The following ERGIC1 variants were observed in gnomAD, a reference collection of about 807,000 sequenced individuals.
ERGIC1 encodes the protein endoplasmic reticulum-golgi intermediate compartment 1.
A neutral mutation model predicts 38.3 loss-of-function variants in ERGIC1; 19 were observed. That is an observed-to-expected ratio of 0.50 (90% CI 0.35 to 0.73). The LOEUF (loss-of-function observed/expected upper bound fraction) is 0.73, where lower values mean the gene tolerates loss of function less well. ERGIC1 is among the 30% of genes least tolerant of loss of function. ERGIC1 has a pLI of 0.01. For synonymous variants in ERGIC1, 124 were observed against 157.6 expected (o/e 0.79, Z 1.60); for missense variants, 294 against 389.2 (o/e 0.76, Z 2.06).
In ERGIC1 at chr5:172,873,606, C is replaced by T. The variant is rs548829514; in HGVS notation, c.21-15093C>T. On this transcript the variant is annotated intron_variant, in intron 1 of 9. Coordinates refer to ENST00000393784, the MANE Select transcript of ERGIC1 (RefSeq NM_001031711.3). ...ACAGAGAGCCAAGGCTCCCAGGGCC[C>T]AGTGGGGAGCTTTGGGGAGGCCAGG... 3.9e-5 allele frequency among the ~76,000 whole-genome samples: 6 copies of T among 152,320 alleles called. No homozygotes were observed. The South Asian group carries it at 1.2e-3, about 32-fold the overall frequency.
chr5:172,843,152 T>C (rs921714954), intron 1 of ERGIC1, among the ~76,000 whole-genome samples: 10 of 152,160 alleles, frequency 6.6e-5, no homozygotes, highest in Non-Finnish European at 8.8e-5. Context: ...TCTCAAAAAT[T>C]AAATAAAATA....
Position 172,834,298 on chromosome 5 carries a change from C to CG in ERGIC1, c.-116_-115insG. ...GTGGCGAGTGGCGAGTGGCGAGTGT[C>CG]AGGGGGGCGGCCGGCGGGGGCGGGG... On this transcript the variant is annotated 5_prime_UTR_variant, in exon 1 of 10. Transcript: ENST00000393784. This position sits in a 1 kb window ranked among gnomAD's most constrained non-coding sequence, Gnocchi z 4.1. 4.9e-6 allele frequency: 5 copies of CG among 1,020,834 alleles called. No individual in the cohort carries two copies. Among genetic ancestry groups the CG allele is most frequent in the Non-Finnish European group, 6.1e-6 (5 of 823,444 alleles). 63.2% of individuals were successfully genotyped at this position (1,020,834 alleles called of 1,614,324 possible). A position where few individuals can be genotyped will look rare whatever the true frequency, so the allele number is the denominator to read the frequency against.
chr5:172,892,629 T>TA (rs1762596933), intron 2 of ERGIC1, among the ~76,000 whole-genome samples: 1 of 152,180 alleles, frequency 6.6e-6, no homozygotes, highest in Non-Finnish European at 1.5e-5. Context: ...AGTCTGGAGT[T>TA]AGAGAGCCTT....
At chr5:172,871,503 A>C (rs1762006904) in intron 1 of ERGIC1, among the ~76,000 whole-genome samples, 1 of 152,214 alleles carries the variant, frequency 6.6e-6, no homozygotes, top group African/African-American at 2.4e-5. Flanking sequence ...ATTTTTCTTC[A>C]TAACGCTTAT....
chr5:172,885,233 G>A (rs543731925), intron 1 of ERGIC1, among the ~76,000 whole-genome samples: 1 of 152,198 alleles, frequency 6.6e-6, no homozygotes, highest in South Asian at 2.1e-4. Context: ...AGGCTCAAGT[G>A]ATCCTCCCAC....
Position 172,926,521 on chromosome 5 carries a change from C to T in ERGIC1, c.493C>T (p.His165Tyr). The T allele has an allele frequency of 6.2e-7, 1 of 1,613,796 alleles. No individual in the cohort carries two copies. The change falls in exon 7 of 10, where the codon CAC becomes TAC. Residue 165 changes from histidine to tyrosine, a missense_variant. Physicochemically the swap from His to Tyr is moderately conservative, Grantham distance 83. Coordinates refer to ENST00000393784, the MANE Select transcript of ERGIC1 (RefSeq NM_001031711.3). This position sits in a 1 kb window ranked among gnomAD's most constrained non-coding sequence, Gnocchi z 5.2. ...FGDTLQVQNI[H>Y]GAFNALGGAD... is the part of the protein sequence containing the mutation. ...CATTTTTCCACAGGTCCAGAACATC[C>T]ACGGAGCTTTCAATGCTCTCGGGGG...
intron 9 of ERGIC1, among the ~76,000 whole-genome samples, chr5:172,946,594 G>A (rs1764125887): frequency 6.6e-6 from 1 of 152,232 alleles, no homozygotes; most frequent in Admixed American, 6.5e-5. Context: ...CAGAAGGTAT[G>A]GTGACCTTCT....
chr5:172,891,995 G>A (rs950426652), intron 2 of ERGIC1, among the ~76,000 whole-genome samples: 4 of 149,644 alleles, frequency 2.7e-5, no homozygotes, highest in Non-Finnish European at 5.9e-5. Context: ...ATATCTTTTT[G>A]TATCCTTGTA....
chr5:172,851,623 G>A (rs1406335087), intron 1 of ERGIC1, among the ~76,000 whole-genome samples: 1 of 152,248 alleles, frequency 6.6e-6, no homozygotes, highest in East Asian at 1.9e-4. Context: ...AGCGGGAGAT[G>A]TGAGAGCCAG....
rs1202089482 is a variant in ERGIC1, at chr5:172,888,666, C to G, written c.21-33C>G. 3.1e-6 allele frequency: 5 copies of G among 1,599,220 alleles called. No individual in the cohort carries two copies. In the African/African-American group the frequency reaches 4.0e-5, roughly 13 times the overall value. On this transcript the variant is annotated intron_variant, in intron 1 of 9. Coordinates refer to ENST00000393784, the MANE Select transcript of ERGIC1 (RefSeq NM_001031711.3). ...CTGCCTTGAGACCCACCCTTTGTGC[C>G]CACCTCACTCCTGTTCCATTTGCTC...
intron 5 of ERGIC1, chr5:172,922,376 G>A (rs1024304036): frequency 5.2e-5 from 8 of 152,432 alleles, no homozygotes; most frequent in Admixed American, 4.6e-4. Flanking sequence ...TCGGAGTCTG[G>A]GGAGCACAGC....
chr5:172,876,956 T>C (rs1762151607), intron 1 of ERGIC1, among the ~76,000 whole-genome samples: 1 of 152,214 alleles, frequency 6.6e-6, no homozygotes, highest in African/African-American at 2.4e-5. Flanking sequence ...AAAAAAAATT[T>C]AATGAAGCCT....
At chr5:172,861,442 C>T (rs984499911) in intron 1 of ERGIC1, among the ~76,000 whole-genome samples, 3 of 152,222 alleles carry the variant, frequency 2.0e-5, no homozygotes, top group South Asian at 4.1e-4. Context: ...TCCTCAGAGG[C>T]GCAGGCTTTG....
At chr5:172,880,860 C>T (rs1041286032) in intron 1 of ERGIC1, among the ~76,000 whole-genome samples, 3 of 152,260 alleles carry the variant, frequency 2.0e-5, no homozygotes, top group African/African-American at 7.2e-5. Context: ...CCAGTCCCCA[C>T]TCCCATTCCC....
intron 3 of ERGIC1, among the ~76,000 whole-genome samples, chr5:172,902,204 G>A (rs953434446): frequency 6.6e-6 from 1 of 152,120 alleles, no homozygotes; most frequent in African/African-American, 2.4e-5. Flanking sequence ...TCTAGGGTGA[G>A]GTGGCCAAAC....
At chr5:172,884,495 TC>T in intron 1 of ERGIC1, among the ~76,000 whole-genome samples, 1 of 152,232 alleles carries the variant, frequency 6.6e-6, no homozygotes, top group Non-Finnish European at 1.5e-5. Context: ...CCTCAAGCGA[TC>T]CCCCCACCTG....
intron 3 of ERGIC1, chr5:172,905,403 G>T: frequency 4.4e-6 from 2 of 453,928 alleles, no homozygotes; most frequent in Admixed American, 2.4e-5. Context: ...GCCTGTTACC[G>T]GCGGGTCTTT....
At chr5:172,934,983 G>T in intron 8 of ERGIC1, 1 of 628,260 alleles carries the variant, frequency 1.6e-6, no homozygotes, top group East Asian at 2.7e-5. Context: ...ACAACCAAGG[G>T]TATCAAAAAT....
chr5:172,929,574 G>A (rs1293767756), intron 7 of ERGIC1, among the ~76,000 whole-genome samples: 1 of 152,182 alleles, frequency 6.6e-6, no homozygotes, highest in Non-Finnish European at 1.5e-5. Flanking sequence ...TGTACTCATA[G>A]GAGAGTAAGC....
Sources: gnomAD v4.1 joint callset for allele counts (sites outside exome capture counted in the v4.1 genomes callset) on GRCh38, gnomAD v4.1.1 for gene constraint, Gnocchi (gnomAD v3.1) non-coding constraint, MANE v1.5 for transcripts, NCBI Gene and HGNC (gene_info 2026-07-23, HGNC 2026-07-21) for gene names.